CDH13: variants seen among roughly 807,000 people sequenced by gnomAD.
The protein encoded by CDH13 is cadherin 13.
A neutral mutation model predicts 63.8 loss-of-function variants in CDH13; 24 were observed. The observed-to-expected ratio is 0.38, with a 90% CI of 0.27 to 0.53. CDH13 has a LOEUF of 0.53. Ranked by LOEUF, CDH13 falls within the 20% of genes least tolerant of loss-of-function variation. The pLI is 0.85. For missense variants in CDH13, 1,049 were observed against 903.1 expected (o/e 1.16, Z -2.07); for synonymous variants, 503 against 355.3 (o/e 1.42, Z -4.67).
At chr16:83,048,611 A>G (rs556888587) in intron 3 of CDH13, among the ~76,000 whole-genome samples, 1 of 152,084 alleles carries the variant, frequency 6.6e-6, no homozygotes, top group Admixed American at 6.5e-5. Context: ...CATACCATCC[A>G]TTTCAGTTCC....
At chr16:83,729,624 CCT>C (rs1222264625) in intron 10 of CDH13, among the ~76,000 whole-genome samples, 3 of 152,180 alleles carry the variant, frequency 2.0e-5, no homozygotes, top group African/African-American at 7.2e-5. Flanking sequence ...TCCCTCACCA[CCT>C]CTGTTTCTTC....
intron 1 of CDH13, among the ~76,000 whole-genome samples, chr16:82,818,487 A>C (rs2037835035): frequency 1.3e-5 from 2 of 152,216 alleles, no homozygotes; most frequent in African/African-American, 4.8e-5. Flanking sequence ...TTTCCATAAA[A>C]GAAAAAGTTA....
At chr16:82,847,381 C>A (rs922366123) in intron 1 of CDH13, among the ~76,000 whole-genome samples, 1 of 152,156 alleles carries the variant, frequency 6.6e-6, no homozygotes, top group African/African-American at 2.4e-5. Context: ...TCCCTTTATG[C>A]CATCTCCAGT....
chr16:83,275,169 G>C (rs2088947445), intron 5 of CDH13, among the ~76,000 whole-genome samples: 1 of 152,196 alleles, frequency 6.6e-6, no homozygotes, highest in Non-Finnish European at 1.5e-5. Context: ...TGCCAAGTTT[G>C]CCCCATAGAG....
chr16:83,658,781 G>A (rs1250599288), intron 8 of CDH13, among the ~76,000 whole-genome samples: 1 of 145,560 alleles, frequency 6.9e-6, no homozygotes, highest in African/African-American at 2.6e-5. Flanking sequence ...TCACCAGCAA[G>A]GTCTCATGTC....
intron 11 of CDH13, among the ~76,000 whole-genome samples, chr16:83,775,224 T>C (rs1195952080): frequency 6.6e-6 from 1 of 151,796 alleles, no homozygotes; most frequent in Admixed American, 6.7e-5. Flanking sequence ...TGGCCTCAGA[T>C]CTTCTGCTCT....
At chr16:83,347,280 A>G (rs1488381204) in intron 6 of CDH13, among the ~76,000 whole-genome samples, 1 of 138,836 alleles carries the variant, frequency 7.2e-6, no homozygotes, top group Non-Finnish European at 1.5e-5. Context: ...TGCTCTGCTC[A>G]TCTGTGGCTC....
chr16:83,272,047 T>C (rs1391112803), intron 5 of CDH13, among the ~76,000 whole-genome samples: 1 of 152,244 alleles, frequency 6.6e-6, no homozygotes, highest in Non-Finnish European at 1.5e-5. Context: ...AATTTTCATA[T>C]TGATTTTTAG....
At chr16:83,176,316 C>A (rs1184926975) in intron 4 of CDH13, among the ~76,000 whole-genome samples, 1 of 151,774 alleles carries the variant, frequency 6.6e-6, no homozygotes, top group Non-Finnish European at 1.5e-5. Context: ...TCGAGACCAG[C>A]CTGGGCAACA....
chr16:82,673,398 T>A (rs1371170242), intron 1 of CDH13, among the ~76,000 whole-genome samples: 1 of 152,136 alleles, frequency 6.6e-6, no homozygotes, highest in Non-Finnish European at 1.5e-5. Flanking sequence ...TAGCAGGAAA[T>A]AAAAGTATCC....
chr16:83,697,795 G>A (rs1905609384), intron 10 of CDH13, among the ~76,000 whole-genome samples: 1 of 152,206 alleles, frequency 6.6e-6, no homozygotes, highest in East Asian at 1.9e-4. Context: ...TTACAGGCAT[G>A]CGCCACCATG....
At chr16:83,034,089 T>C (rs1916628920) in intron 3 of CDH13, among the ~76,000 whole-genome samples, 1 of 152,146 alleles carries the variant, frequency 6.6e-6, no homozygotes, top group Non-Finnish European at 1.5e-5. Flanking sequence ...GAGAGCATCA[T>C]ATAGCTTCTT....
chr16:82,641,211 G>T (rs1462335788), intron 1 of CDH13, among the ~76,000 whole-genome samples: 4 of 152,138 alleles, frequency 2.6e-5, no homozygotes, highest in Non-Finnish European at 5.9e-5. Flanking sequence ...ATCTTCTGCT[G>T]GTCAGGGGTG....
intron 8 of CDH13, among the ~76,000 whole-genome samples, chr16:83,663,657 G>A (rs1356550230): frequency 6.6e-6 from 1 of 152,140 alleles, no homozygotes; most frequent in Non-Finnish European, 1.5e-5. Context: ...TCAACAATGG[G>A]AGAGGCATGC....
At chr16:83,514,868 T>C (rs1411548693) in intron 7 of CDH13, among the ~76,000 whole-genome samples, 2 of 152,154 alleles carry the variant, frequency 1.3e-5, no homozygotes, top group Non-Finnish European at 2.9e-5. Flanking sequence ...TTTGTGCTTT[T>C]GGCCTCCAGG....
At chr16:83,193,316 C>G (rs942802027) in intron 4 of CDH13, among the ~76,000 whole-genome samples, 1 of 151,800 alleles carries the variant, frequency 6.6e-6, no homozygotes, top group South Asian at 2.1e-4. Context: ...GAGCTGAGGG[C>G]TAGAGAGGTT....
intron 7 of CDH13, among the ~76,000 whole-genome samples, chr16:83,583,795 T>C (rs1905867208): frequency 6.6e-6 from 1 of 151,514 alleles, no homozygotes. Context: ...CATGAGCCTC[T>C]AGACCTAGCT....
intron 1 of CDH13, among the ~76,000 whole-genome samples, chr16:82,762,342 T>G (rs536054187): frequency 6.6e-6 from 1 of 152,354 alleles, no homozygotes; most frequent in East Asian, 1.9e-4. Context: ...AAGAAAATTA[T>G]TCAAGCTTGT....
intron 5 of CDH13, among the ~76,000 whole-genome samples, chr16:83,320,595 C>A (rs570940908): frequency 6.6e-6 from 1 of 152,278 alleles, no homozygotes; most frequent in African/African-American, 2.4e-5. Context: ...GAGCAAACAA[C>A]CACTATTTCT....
Sources: gnomAD v4.1 joint callset for allele counts (sites outside exome capture counted in the v4.1 genomes callset) on GRCh38, gnomAD v4.1.1 for gene constraint, MANE v1.5 for transcripts, NCBI Gene and HGNC (gene_info 2026-07-23, HGNC 2026-07-21) for gene names.